The following SLC15A2 variants were observed in gnomAD, a reference collection of about 807,000 sequenced individuals.
The protein encoded by SLC15A2 is kidney H(+)/peptide cotransporter.
Under a neutral mutation model 95.5 loss-of-function variants are expected in SLC15A2, and 77 were observed. The observed-to-expected ratio is 0.81, with a 90% CI of 0.67 to 0.97. The LOEUF (loss-of-function observed/expected upper bound fraction) is 0.97. Among genes scored for constraint, SLC15A2 ranks in the 50% least tolerant of loss-of-function variants. The pLI, the probability that SLC15A2 is intolerant of heterozygous loss-of-function variation, is 0.00. For missense variants in SLC15A2, 893 were observed against 874.4 expected, an observed-to-expected ratio of 1.02 and a Z score of -0.27; for synonymous variants, 306 against 306.9, an observed-to-expected ratio of 1.00 and a Z score of 0.03.
At chr3:121,912,359 G>A (rs973039718) in intron 4 of SLC15A2, among the ~76,000 whole-genome samples, 18 of 151,940 alleles carry the variant, frequency 1.2e-4, no homozygotes, top group South Asian at 2.1e-4. Flanking sequence ...TCAGCCTCCC[G>A]AGTCGCTGGG....
chr3:121,917,014 G>A (rs200399894), intron 7 of SLC15A2, among the ~76,000 whole-genome samples: 1 of 151,994 alleles, frequency 6.6e-6, no homozygotes, highest in East Asian at 1.9e-4. Flanking sequence ...TAGAGACAGG[G>A]TTTCACCGTG....
chr3:121,923,557 C>T (rs1441441267), intron 11 of SLC15A2, among the ~76,000 whole-genome samples: 1 of 152,172 alleles, frequency 6.6e-6, no homozygotes, highest in East Asian at 1.9e-4. Context: ...TGATTTTCTT[C>T]TGTCTAAGCC....
intron 19 of SLC15A2, among the ~76,000 whole-genome samples, chr3:121,938,268 C>G (rs562217996): frequency 1.3e-5 from 2 of 152,244 alleles, no homozygotes; most frequent in Non-Finnish European, 2.9e-5. Flanking sequence ...GCAGGCAGGC[C>G]GCCTTGAGCT....
chr3:121,905,739 A>G (rs1370268119), intron 3 of SLC15A2, among the ~76,000 whole-genome samples: 2 of 152,098 alleles, frequency 1.3e-5, no homozygotes, highest in African/African-American at 2.4e-5. Context: ...CTGTTTTTTT[A>G]TATTTGCTGA....
In SLC15A2 at chr3:121,900,554, C is replaced by T. The variant is rs976483389; in HGVS notation, c.335+3025C>T. Among the ~76,000 whole-genome samples the T allele has an allele frequency of 9.2e-5, 14 of 152,306 alleles. 1 individual carries two copies. The highest frequency in any genetic ancestry group is 4.1e-4 in the South Asian group (2 of 4,824). On this transcript the variant is annotated intron_variant, in intron 3 of 21. Transcript: ENST00000489711. ...TGTCTACTAATCTCACTCCAACTGA[C>T]TTTTCTGTGCTTACTGTCATACTTA...
chr3:121,931,876 G>C (rs1221435151), intron 19 of SLC15A2, 141 bp downstream of exon 19: 6 of 586,938 alleles, frequency 1.0e-5, no homozygotes, highest in African/African-American at 7.5e-5. Context: ...AAGATGACAG[G>C]TTCTACAGTG....
chr3:121,921,398 C>G (rs1031989749), intron 7 of SLC15A2, among the ~76,000 whole-genome samples: 1 of 151,502 alleles, frequency 6.6e-6, no homozygotes, highest in Non-Finnish European at 1.5e-5. Context: ...GTCAGTCAAG[C>G]CTCAGGTCAA....
intron 19 of SLC15A2, among the ~76,000 whole-genome samples, chr3:121,934,290 T>C (rs1710293537): frequency 6.6e-6 from 1 of 152,252 alleles, no homozygotes; most frequent in South Asian, 2.1e-4. Flanking sequence ...TTTTTTCCAA[T>C]TCTTTGAAGA....
At chr3:121,915,114 AGG>A in intron 5 of SLC15A2, 111 bp from the exon 6 acceptor site, 3 of 1,090,962 alleles carry the variant, frequency 2.7e-6, no homozygotes, top group Non-Finnish European at 3.9e-6. Context: ...GGTATTGTGG[AGG>A]CAATATCTGA....
chr3:121,922,533 T>C (rs1212890127), intron 8 of SLC15A2, among the ~76,000 whole-genome samples: 1 of 152,212 alleles, frequency 6.6e-6, no homozygotes, highest in African/African-American at 2.4e-5. Flanking sequence ...GAAATGTAAT[T>C]ATATATAGAC....
intron 13 of SLC15A2, among the ~76,000 whole-genome samples, chr3:121,927,243 A>G (rs1416814469): frequency 1.3e-5 from 2 of 152,226 alleles, no homozygotes; most frequent in Middle Eastern, 3.2e-3. Flanking sequence ...TTGGGGGGCT[A>G]GAGATGGAAT....
chr3:121,918,684 C>A (rs774014591), intron 7 of SLC15A2, among the ~76,000 whole-genome samples: 1 of 152,050 alleles, frequency 6.6e-6, no homozygotes, highest in Non-Finnish European at 1.5e-5. Context: ...GTGGTAATAG[C>A]GTTATCTTGG....
At position 121,940,845 on chromosome 3, in the gene SLC15A2, T is replaced by G. The variant is rs1226755248; in HGVS notation, c.2028T>G (p.Ile676Met). Residue 676 changes from isoleucine (I) to methionine (M), a missense_variant, in exon 22 of 22, where the codon ATT (isoleucine) becomes ATG (methionine). Coordinates refer to ENST00000489711, the MANE Select transcript of SLC15A2 (RefSeq NM_021082.4). Reference protein sequence around the residue: ...FSGLVQWAEFILFSCLLLVIC... With the variant: ...FSGLVQWAEFMLFSCLLLVIC... The stretch of plus-strand genomic sequence containing the variant: ...TCCCCCTGCAGTGGGCCGAATTCAT[T>G]TTGTTTTCCTGCCTCCTGCTGGTGA... 1.2e-6 allele frequency: 2 copies of G among 1,612,136 alleles called. No homozygotes were observed. Among genetic ancestry groups the G allele is most frequent in the Non-Finnish European group, 1.7e-6 (2 of 1,179,468 alleles).
intron 7 of SLC15A2, among the ~76,000 whole-genome samples, chr3:121,921,858 T>A (rs955864934): frequency 6.6e-6 from 1 of 152,170 alleles, no homozygotes. Context: ...TTGGTAACAT[T>A]TCAGATATGG....
chr3:121,899,629 TC>T (rs979171396), intron 3 of SLC15A2, among the ~76,000 whole-genome samples: 38 of 152,316 alleles, frequency 2.5e-4, no homozygotes, highest in African/African-American at 7.9e-4. Context: ...TGCAATATAA[TC>T]CAATTCAATT....
Position 121,940,868 on chromosome 3 carries a change from T to G in SLC15A2, c.2051T>G (p.Val684Gly), listed in dbSNP as rs774743342. 6.2e-7 allele frequency: 1 copy of G among 1,613,646 alleles called. No homozygotes were observed. Among genetic ancestry groups the G allele is most frequent in the East Asian group, 2.2e-5 (1 of 44,876 alleles). Residue 684 changes from valine (V) to glycine (G), a missense_variant, in exon 22 of 22, where the codon GTG (valine) becomes GGG (glycine). Val to Gly is a moderately radical substitution (Grantham distance 109, BLOSUM62 -3). Coordinates refer to ENST00000489711, the MANE Select transcript of SLC15A2 (RefSeq NM_021082.4). ...ATTTTGTTTTCCTGCCTCCTGCTGG[T>G]GATCTGCCTGATCTTCTCCATCATG... ...EFILFSCLLL[V>G]ICLIFSIMGY...
chr3:121,915,181 G>C, intron 5 of SLC15A2, 46 bp from the exon 6 acceptor site: 1 of 1,440,294 alleles, frequency 6.9e-7, no homozygotes, highest in Middle Eastern at 1.7e-4. Context: ...AGTGGGGCTG[G>C]AGCTAGGGGA....
chr3:121,919,699 G>A (rs1388000710), intron 7 of SLC15A2, among the ~76,000 whole-genome samples: 3 of 152,162 alleles, frequency 2.0e-5, no homozygotes, highest in Non-Finnish European at 4.4e-5. Flanking sequence ...GGACCCGTCC[G>A]TGTCTGCCTA....
At chr3:121,938,747 C>G (rs1163644918) in intron 19 of SLC15A2, among the ~76,000 whole-genome samples, 1 of 152,242 alleles carries the variant, frequency 6.6e-6, no homozygotes, top group Non-Finnish European at 1.5e-5. Context: ...ACGCTGGGAA[C>G]TGTAGACCGG....
Sources: gnomAD v4.1 joint callset for allele counts (sites outside exome capture counted in the v4.1 genomes callset) on GRCh38, gnomAD v4.1.1 for gene constraint, MANE v1.5 for transcripts, NCBI Gene and HGNC (gene_info 2026-07-23, HGNC 2026-07-21) for gene names.